GSDME: variants seen among roughly 807,000 people sequenced by gnomAD.
GSDME encodes the protein gasdermin E.
Under a neutral mutation model 47.5 loss-of-function variants are expected in GSDME, and 44 were observed. The observed-to-expected ratio is 0.93, with a 90% CI of 0.73 to 1.19. GSDME has a LOEUF of 1.19. Among genes scored for constraint, GSDME ranks in the 50% most tolerant of loss-of-function variants. The pLI is 0.00. For missense variants in GSDME, 663 were observed against 604.2 expected (o/e 1.10, Z -1.02); for synonymous variants, 258 against 252.8 (o/e 1.02, Z -0.20).
Position 24,749,596 on chromosome 7 carries a change from T to C in GSDME, c.179A>G (p.Asp60Gly), listed in dbSNP as rs146697813. ...KYQFLSLTLG[D>G]VLIEDQFPSP... ...CGGAAATTGGTCTTCTATGAGTACA[T>C]CGCCAAGGGTGAGGGATAAAAACTG... The change falls in exon 2 of 10, where the codon GAT (aspartate) becomes GGT (glycine). Residue 60 changes from aspartate (D) to glycine (G), a missense_variant. Coordinates refer to ENST00000645220, the MANE Select transcript of GSDME (RefSeq NM_001127453.2). 1.4e-5 allele frequency: 23 copies of C among 1,613,530 alleles called. No homozygotes were observed. The highest frequency in any genetic ancestry group is 1.0e-4 in the Admixed American group (6 of 59,966).
In GSDME at chr7:24,749,744, T is replaced by C; in HGVS notation, c.31A>G (p.Arg11Gly). 2 of 1,613,900 alleles carry C rather than the reference T, an allele frequency of 1.2e-6. No individual in the cohort carries two copies. The highest frequency in any genetic ancestry group is 1.7e-6 in the Non-Finnish European group (2 of 1,179,782). Residue 11 changes from arginine to glycine, a missense_variant, in exon 2 of 10, where the codon AGA becomes GGA. Transcript: ENST00000645220. MFAKATRNFL[R>G]EVDADGDLIA... ...AGGTCACCATCAGCATCAACTTCTC[T>C]AAGAAAATTCCTGGTTGCTTTGGCA...
chr7:24,738,993 A>G (rs1235236121), intron 3 of GSDME, among the ~76,000 whole-genome samples: 1 of 152,248 alleles, frequency 6.6e-6, no homozygotes, highest in Admixed American at 6.5e-5. Flanking sequence ...AAAATGGATT[A>G]AACACTTAAA....
chr7:24,744,646 C>G lies in GSDME; in HGVS notation c.320G>C (p.Ser107Thr). 1 of 1,614,222 alleles carries G rather than the reference C, an allele frequency of 6.2e-7. No individual in the cohort carries two copies. ...AAATGAAGACTGGCTCTCTACGCGGCTGCTGCCCCCCAGGTTCAGCTTGAC... is the reference window on the plus strand; with the variant it reads ...AAATGAAGACTGGCTCTCTACGCGGGTGCTGCCCCCCAGGTTCAGCTTGAC... Reference protein sequence around the residue: ...GKVKLNLGGSSRVESQSSFGT... With the variant: ...GKVKLNLGGSTRVESQSSFGT... Residue 107 changes from serine to threonine, a missense_variant, in exon 3 of 10, where the codon AGC (serine) becomes ACC (threonine). Transcript: ENST00000645220. This position sits in a 1 kb window ranked among gnomAD's most constrained non-coding sequence, Gnocchi z 4.5.
chr7:24,711,623 G>A (rs1197205137), intron 5 of GSDME, among the ~76,000 whole-genome samples: 1 of 152,010 alleles, frequency 6.6e-6, no homozygotes, highest in Admixed American at 6.5e-5. Context: ...GAGTTTGAGA[G>A]TAGCAACATA....
intron 5 of GSDME, chr7:24,715,477 T>A: frequency 2.1e-6 from 1 of 471,110 alleles, no homozygotes. Context: ...ACAGTTTCTG[T>A]GTGTCAATCA....
chr7:24,788,347 C>T, the GSDME span, among the ~76,000 whole-genome samples: 26 of 152,120 alleles, frequency 1.7e-4, no homozygotes, highest in South Asian at 2.5e-3. This position sits in a 1 kb window ranked among gnomAD's most constrained non-coding sequence, Gnocchi z 4.6. Flanking sequence ...ATTTTTCTGG[C>T]AGACGCCGCA....
At chr7:24,746,220 T>G (rs923366473) in intron 2 of GSDME, among the ~76,000 whole-genome samples, 2 of 152,200 alleles carry the variant, frequency 1.3e-5, no homozygotes, top group African/African-American at 2.4e-5. Context: ...GTGTAAAAAT[T>G]TATCCTATTC....
rs994091222 is a variant in GSDME at position 24,732,913 on chromosome 7, G to C, written c.404+11649C>G. Among the ~76,000 whole-genome samples, 2 of 152,052 alleles carry C rather than the reference G, an allele frequency of 1.3e-5. No individual in the cohort carries two copies. Among genetic ancestry groups the C allele is most frequent in the Admixed American group, 6.5e-5 (1 of 15,272 alleles). On this transcript the variant is annotated intron_variant, in intron 3 of 9. Transcript: ENST00000645220. This position sits in a 1 kb window ranked among gnomAD's most constrained non-coding sequence, Gnocchi z 4.8. Reference sequence around the variant, plus strand: ...CAGAGCCAGTGGATTTGGGGGGTGGGTACACAACCTACTGAGACACCAGCC... The same window carrying C: ...CAGAGCCAGTGGATTTGGGGGGTGGCTACACAACCTACTGAGACACCAGCC...
rs896304807 is a variant in GSDME, at chr7:24,705,269, T to C, written c.1183+915A>G. The C allele has an allele frequency of 4.6e-5, 7 of 152,196 alleles. No individual in the cohort carries two copies. The highest frequency in any genetic ancestry group is 1.4e-4 in the African/African-American group (6 of 41,418). 9.4% of individuals were successfully genotyped at this position (152,196 alleles called of 1,614,324 possible). ...TGGAGTTCCGCAGGGCTCTGTCTTA[T>C]GTCCTGTTTCAGTTTACCAGTCAAA... On this transcript the variant is annotated intron_variant, in intron 8 of 9. Transcript: ENST00000645220. This position sits in a 1 kb window ranked among gnomAD's most constrained non-coding sequence, Gnocchi z 4.1.
In GSDME at chr7:24,727,651, T is replaced by C. The variant is rs183020383; in HGVS notation, c.405-8433A>G. ...CCACAGACATTGCCTGTAAACTCCT[T>C]GGCTTTGCCTTTGTGACATTTCATT... On this transcript the variant is annotated intron_variant, in intron 3 of 9. Transcript: ENST00000645220. 1.4e-4 allele frequency among the ~76,000 whole-genome samples: 22 copies of C among 152,386 alleles called. No individual in the cohort carries two copies. The East Asian group carries it at 3.9e-3, about 27-fold the overall frequency.
In GSDME at chr7:24,705,258, G is replaced by C. The variant is rs1004054891; in HGVS notation, c.1183+926C>G. The C allele has an allele frequency of 5.3e-5, 8 of 152,134 alleles. No individual in the cohort carries two copies. The highest frequency in any genetic ancestry group is 1.9e-4 in the African/African-American group (8 of 41,408). 9.4% of individuals were successfully genotyped at this position (152,134 alleles called of 1,614,324 possible). On this transcript the variant is annotated intron_variant, in intron 8 of 9. Coordinates refer to ENST00000645220, the MANE Select transcript of GSDME (RefSeq NM_001127453.2). The surrounding 1 kb of genome is among the most constrained non-coding windows in gnomAD (Gnocchi z 4.1). The stretch of plus-strand genomic sequence containing the variant: ...AAAGTCTCTAGTGGAGTTCCGCAGG[G>C]CTCTGTCTTATGTCCTGTTTCAGTT...
At chr7:24,792,479 C>T in the GSDME span, among the ~76,000 whole-genome samples, 1 of 152,164 alleles carries the variant, frequency 6.6e-6, no homozygotes, top group East Asian at 1.9e-4. Flanking sequence ...AGAGGTCTGT[C>T]TTTGACTTGG....
chr7:24,793,219 AG>A, the GSDME span, among the ~76,000 whole-genome samples: 29 of 152,212 alleles, frequency 1.9e-4, no homozygotes, highest in Admixed American at 1.9e-3. Flanking sequence ...TCTGACCATA[AG>A]GTAAGATTTT....
chr7:24,743,313 A>G (rs1790547234), intron 3 of GSDME, among the ~76,000 whole-genome samples: 1 of 152,252 alleles, frequency 6.6e-6, no homozygotes, highest in South Asian at 2.1e-4. Flanking sequence ...TAAGCCAGCC[A>G]TACTTAAATA....
Position 24,748,170 on chromosome 7 carries a change from T to A in GSDME, c.211+1394A>T, listed in dbSNP as rs538841905. ...TATATATATATATATATATATATATTTTTTTTTGAGATGGAATCTCACTCT... is the reference window on the plus strand; with the variant it reads ...TATATATATATATATATATATATATATTTTTTTGAGATGGAATCTCACTCT... On this transcript the variant is annotated intron_variant, in intron 2 of 9. Coordinates refer to ENST00000645220, the MANE Select transcript of GSDME (RefSeq NM_001127453.2). Among the ~76,000 whole-genome samples, 492 of 140,478 alleles carry A rather than the reference T, an allele frequency of 3.5e-3. 1 individual carries two copies. The highest frequency in any genetic ancestry group is 7.3e-3 in the Middle Eastern group (2 of 274). 92.2% of individuals were successfully genotyped at this position (140,478 alleles called of 152,430 possible).
intron 7 of GSDME, 95 bp from the exon 8 acceptor site, chr7:24,706,471 T>C: frequency 7.9e-7 from 1 of 1,258,762 alleles, no homozygotes. Context: ...CCCCAGCCCT[T>C]CCCACTCCCC....
chr7:24,707,911 A>G (rs1459229073), intron 7 of GSDME: 2 of 599,458 alleles, frequency 3.3e-6, no homozygotes, highest in Non-Finnish European at 5.8e-6. Context: ...TTAAGCCCTC[A>G]GGTTTGTTGA....
In GSDME at chr7:24,699,063, AG is replaced by A. The variant is rs1562681418; in HGVS notation, c.1453del (p.Leu485Ter). ...KVFPLLLCIT[L>X]NGLCALGREH... ...TCTGCCTAAAGCACAGAGTCCATTC[AG>A]GGTTATACAAAGAAGCAGTGGGAAG... On this transcript the variant is annotated frameshift_variant, in exon 10 of 10. Coordinates refer to ENST00000645220, the MANE Select transcript of GSDME (RefSeq NM_001127453.2). LOFTEE classifies it high-confidence loss of function. 6.2e-7 allele frequency: 1 copy of A among 1,614,034 alleles called. No individual in the cohort carries two copies. The highest frequency in any genetic ancestry group is 8.5e-7 in the Non-Finnish European group (1 of 1,179,884).
At position 24,733,345 on chromosome 7, in the gene GSDME, G is replaced by C. The variant is rs538522961; in HGVS notation, c.404+11217C>G. Among the ~76,000 whole-genome samples the C allele has an allele frequency of 2.0e-5, 3 of 152,036 alleles. No homozygotes were observed. The highest frequency in any genetic ancestry group is 4.4e-5 in the Non-Finnish European group (3 of 68,012). ...ACCCAGCTGTGGTCAGGTGTGACTC[G>C]GCACTTTCACAGCTGTGCTGGCTAT... is the stretch of plus-strand genomic sequence containing the variant. On this transcript the variant is annotated intron_variant, in intron 3 of 9. Coordinates refer to ENST00000645220, the MANE Select transcript of GSDME (RefSeq NM_001127453.2). The surrounding 1 kb of genome is among the most constrained non-coding windows in gnomAD (Gnocchi z 4.3).
Sources: gnomAD v4.1 joint callset for allele counts (sites outside exome capture counted in the v4.1 genomes callset) on GRCh38, gnomAD v4.1.1 for gene constraint, Gnocchi (gnomAD v3.1) non-coding constraint, MANE v1.5 for transcripts, NCBI Gene and HGNC (gene_info 2026-07-23, HGNC 2026-07-21) for gene names.